GALNT13: variants seen among roughly 807,000 people sequenced by gnomAD.
GALNT13 encodes UDP-GalNAc:polypeptide N-acetylgalactosaminyltransferase 13.
In GALNT13, 28 loss-of-function variants were observed where a neutral mutation model predicts 64.2. The observed-to-expected ratio is 0.44, with a 90% CI of 0.32 to 0.60. GALNT13 has a LOEUF of 0.60. Among genes scored for constraint, GALNT13 ranks in the 20% least tolerant of loss-of-function variants. The pLI is 0.05. For missense variants in GALNT13, 577 were observed against 669.8 expected (o/e 0.86, Z 1.53); for synonymous variants, 214 against 224.6 (o/e 0.95, Z 0.42).
At chr2:154,089,459 A>G (rs564387748) in intron 3 of GALNT13, among the ~76,000 whole-genome samples, 60 of 152,094 alleles carry the variant, frequency 3.9e-4, no homozygotes, top group African/African-American at 1.4e-3. Context: ...AGCTTTCACC[A>G]TAGAAGTGGG....
chr2:153,568,172 C>T, the GALNT13 span, among the ~76,000 whole-genome samples: 3 of 152,290 alleles, frequency 2.0e-5, no homozygotes, highest in East Asian at 1.9e-4. Context: ...CAAATGTTAA[C>T]GTATGAGGCC....
chr2:153,186,262 A>G, the GALNT13 span, among the ~76,000 whole-genome samples: 1 of 152,024 alleles, frequency 6.6e-6, no homozygotes, highest in Non-Finnish European at 1.5e-5. Flanking sequence ...CTGTTTTGTC[A>G]GAAACTAAGA....
Position 154,245,965 on chromosome 2 carries a change from C to T in GALNT13, c.840C>T (p.Asp280=). 6.2e-7 allele frequency: 1 copy of T among 1,612,412 alleles called. No homozygotes were observed. The highest frequency in any genetic ancestry group is 2.2e-5 in the East Asian group (1 of 44,774). ...GAGAAATGGACAGGAGGAAAGGAGA[C>T]AGAACATTACCTGTCAGGTATGTAG... The part of the protein sequence containing the change: ...PQREMDRRKG[D]RTLPVRTPTM... Residue 280 remains aspartate, a synonymous_variant, in exon 7 of 13, where the codon GAC becomes GAT. Coordinates refer to ENST00000392825, the MANE Select transcript of GALNT13 (RefSeq NM_052917.4).
chr2:154,168,379 C>A (rs1207934216), intron 4 of GALNT13, among the ~76,000 whole-genome samples: 1 of 152,088 alleles, frequency 6.6e-6, no homozygotes, highest in Non-Finnish European at 1.5e-5. Context: ...GGATGAGATG[C>A]ACCCACATTA....
chr2:153,222,785 TTGCTC>T, the GALNT13 span, among the ~76,000 whole-genome samples: 1 of 152,126 alleles, frequency 6.6e-6, no homozygotes, highest in Non-Finnish European at 1.5e-5. Flanking sequence ...AGCCACAACT[TTGCTC>T]TGCCTGAAGT....
At chr2:154,262,306 C>T (rs1690740546) in intron 8 of GALNT13, among the ~76,000 whole-genome samples, 1 of 152,106 alleles carries the variant, frequency 6.6e-6, no homozygotes, top group South Asian at 2.1e-4. Flanking sequence ...CATAACATAA[C>T]GAACCTAACA....
chr2:153,623,282 T>C, the GALNT13 span, among the ~76,000 whole-genome samples: 1 of 152,110 alleles, frequency 6.6e-6, no homozygotes, highest in Non-Finnish European at 1.5e-5. Context: ...TCAACGTGCT[T>C]TCCCTCATCT....
the GALNT13 span, among the ~76,000 whole-genome samples, chr2:153,349,054 A>C: frequency 6.6e-6 from 1 of 152,222 alleles, no homozygotes; most frequent in African/African-American, 2.4e-5. Flanking sequence ...CTTAACTATG[A>C]TAAGTACATT....
chr2:153,155,454 G>A, the GALNT13 span, among the ~76,000 whole-genome samples: 1 of 151,950 alleles, frequency 6.6e-6, no homozygotes, highest in Admixed American at 6.6e-5. Flanking sequence ...TCCTTGGGAG[G>A]GTGTTTGTAT....
At chr2:154,364,288 C>A (rs1697238781) in intron 9 of GALNT13, among the ~76,000 whole-genome samples, 1 of 152,140 alleles carries the variant, frequency 6.6e-6, no homozygotes, top group African/African-American at 2.4e-5. Context: ...TGTAATAGTG[C>A]AACCTCTTTG....
At chr2:153,500,902 A>C in the GALNT13 span, among the ~76,000 whole-genome samples, 1 of 152,168 alleles carries the variant, frequency 6.6e-6, no homozygotes, top group Non-Finnish European at 1.5e-5. Flanking sequence ...AATCTCATAC[A>C]ATTTTGGAAC....
At chr2:153,155,120 T>G in the GALNT13 span, among the ~76,000 whole-genome samples, 1 of 152,180 alleles carries the variant, frequency 6.6e-6, no homozygotes, top group Non-Finnish European at 1.5e-5. Flanking sequence ...ATTACTGGGT[T>G]CAGTTTGTGA....
intron 9 of GALNT13, among the ~76,000 whole-genome samples, chr2:154,357,003 A>T (rs1470996819): frequency 1.3e-5 from 2 of 152,014 alleles, no homozygotes; most frequent in Non-Finnish European, 2.9e-5. Context: ...CTGAAGATTG[A>T]TTGAAATGAA....
chr2:153,520,803 T>C, the GALNT13 span, among the ~76,000 whole-genome samples: 1 of 152,196 alleles, frequency 6.6e-6, no homozygotes, highest in Non-Finnish European at 1.5e-5. Context: ...TATTAGAATA[T>C]AATAATCAAA....
At chr2:153,385,398 C>A in the GALNT13 span, among the ~76,000 whole-genome samples, 1 of 151,990 alleles carries the variant, frequency 6.6e-6, no homozygotes, top group Admixed American at 6.6e-5. Flanking sequence ...ATGGATGGAA[C>A]TGGAGATCCT....
At chr2:153,564,721 C>G in the GALNT13 span, among the ~76,000 whole-genome samples, 1 of 151,828 alleles carries the variant, frequency 6.6e-6, no homozygotes, top group Non-Finnish European at 1.5e-5. Context: ...ATAATTCTTA[C>G]AAAATTACTA....
chr2:154,395,877 C>A, intron 9 of GALNT13, 114 bp from the exon 10 acceptor site: 1 of 851,876 alleles, frequency 1.2e-6, no homozygotes, highest in Non-Finnish European at 1.7e-6. Context: ...GCTGCATATG[C>A]AATTGAATTT....
intron 3 of GALNT13, among the ~76,000 whole-genome samples, chr2:154,099,617 T>C (rs890400633): frequency 1.8e-4 from 28 of 152,216 alleles, no homozygotes; most frequent in African/African-American, 6.7e-4. Context: ...GGGTCAACTT[T>C]TGTTCTTCTG....
At chr2:153,103,580 G>T in the GALNT13 span, among the ~76,000 whole-genome samples, 1 of 152,216 alleles carries the variant, frequency 6.6e-6, no homozygotes, top group Non-Finnish European at 1.5e-5. Flanking sequence ...CAGGCCCCTG[G>T]GATGTACAGA....
Sources: allele counts gnomAD v4.1 joint callset (sites outside exome capture counted in the v4.1 genomes callset), GRCh38; gene constraint gnomAD v4.1.1; transcripts MANE v1.5; gene names NCBI Gene and HGNC (gene_info 2026-07-23, HGNC 2026-07-21).